The following F5 variants were observed in gnomAD, a reference collection of about 807,000 sequenced individuals.
F5 encodes the protein coagulation factor V, also known as activated protein c cofactor.
Under a neutral mutation model 216.4 loss-of-function variants are expected in F5, and 138 were observed. The observed-to-expected ratio is 0.64, with a 90% CI of 0.56 to 0.73. The LOEUF (loss-of-function observed/expected upper bound fraction) is 0.73. Ranked by LOEUF, F5 falls within the 30% of genes least tolerant of loss-of-function variation. The probability of loss-of-function intolerance (pLI) is 0.00; values close to 1 mark genes in which losing one functional copy is unlikely to be tolerated. For missense variants in F5, 2,403 were observed against 2,674.0 expected, an observed-to-expected ratio of 0.90 and a Z score of 2.24; for synonymous variants, 916 against 930.7, an observed-to-expected ratio of 0.98 and a Z score of 0.29.
In F5 at chr1:169,531,031, A is replaced by C; in HGVS notation, c.4972-9T>G. 1 of 1,596,382 alleles carries C rather than the reference A, an allele frequency of 6.3e-7. No homozygotes were observed. Among genetic ancestry groups the C allele is most frequent in the Non-Finnish European group, 8.6e-7 (1 of 1,166,838 alleles). On this transcript the variant is annotated splice_polypyrimidine_tract_variant and intron_variant, in intron 14 of 24. Transcript: ENST00000367797. ...AAATTTTTAAAACGAACCTAGGAAAAGGAATGATCCACAAATGTACTTAAG... is the reference window on the plus strand; with the variant it reads ...AAATTTTTAAAACGAACCTAGGAAACGGAATGATCCACAAATGTACTTAAG...
intron 2 of F5, among the ~76,000 whole-genome samples, chr1:169,577,214 C>T (rs1660872507): frequency 6.6e-6 from 1 of 152,000 alleles, no homozygotes; most frequent in Admixed American, 6.5e-5. Flanking sequence ...GAAAGGACTG[C>T]AGAAGGTCAA....
At position 169,541,124 on chromosome 1, in the gene F5, A is replaced by T. The variant is rs927480334; in HGVS notation, c.3966T>A (p.Ser1322=). The T allele has an allele frequency of 1.3e-6, 2 of 1,556,174 alleles. No homozygotes were observed. Among genetic ancestry groups the T allele is most frequent in the African/African-American group, 1.4e-5 (1 of 73,090 alleles). The change falls in exon 13 of 25, where the codon TCT becomes TCA. Residue 1322 remains serine, a synonymous_variant. Coordinates refer to ENST00000367797, the MANE Select transcript of F5 (RefSeq NM_000130.5). The part of the protein sequence containing the change: ...LSPALGQMPI[S]PDLSHTTLSL... ...AAAGGGTTGTATGGCTGAGGTCTGG[A>T]GAAATGGGCATCTGACCGAGGGCTG...
chr1:169,516,051 C>T (rs1255643789), intron 23 of F5, among the ~76,000 whole-genome samples: 1 of 152,102 alleles, frequency 6.6e-6, no homozygotes, highest in Non-Finnish European at 1.5e-5. Flanking sequence ...TCTTTAAATA[C>T]TCTGGTAATA....
At position 169,586,465 on chromosome 1, in the gene F5, G is replaced by A; in HGVS notation, c.-79C>T. 2 of 1,542,938 alleles carry A rather than the reference G, an allele frequency of 1.3e-6. No individual in the cohort carries two copies. Among genetic ancestry groups the A allele is most frequent in the South Asian group, 2.3e-5 (2 of 85,544 alleles). On this transcript the variant is annotated 5_prime_UTR_variant, in exon 1 of 25. Coordinates refer to ENST00000367797, the MANE Select transcript of F5 (RefSeq NM_000130.5). ...TGCCGAGCTGCTAACCACACTCCGG[G>A]CTGTCCCAGCTGCAATGAGCTCTAG... is the stretch of plus-strand genomic sequence containing the variant.
chr1:169,557,071 G>T (rs1571587812), intron 5 of F5, among the ~76,000 whole-genome samples: 1 of 152,182 alleles, frequency 6.6e-6, no homozygotes, highest in East Asian at 1.9e-4. Context: ...ACAACTCATT[G>T]TGATAAATGG....
chr1:169,557,117 G>T (rs1314720842), intron 5 of F5, among the ~76,000 whole-genome samples: 7 of 152,210 alleles, frequency 4.6e-5, no homozygotes, highest in Admixed American at 1.3e-4. Flanking sequence ...AGAGATGGTG[G>T]ATGTGAACTC....
chr1:169,519,162 C>G (rs1031326387), intron 22 of F5, among the ~76,000 whole-genome samples: 1 of 152,018 alleles, frequency 6.6e-6, no homozygotes, highest in African/African-American at 2.4e-5. Context: ...CCTGGCTGAC[C>G]ACCCATCATC....
Position 169,542,558 on chromosome 1 carries a change from G to A in F5, c.2532C>T (p.Val844=). 1 of 1,614,048 alleles carries A rather than the reference G, an allele frequency of 6.2e-7. No individual in the cohort carries two copies. The highest frequency in any genetic ancestry group is 8.5e-7 in the Non-Finnish European group (1 of 1,179,956). ...DPIEDPLQPD[V]TGIRLLSLGA... ...CAAGTGAAAGTAGACGTATCCCTGT[G>A]ACATCTGGCTGTAGAGGATCCTCTA... Residue 844 remains valine (V), a synonymous_variant, in exon 13 of 25, where the codon GTC becomes GTT. Transcript: ENST00000367797.
chr1:169,540,423 G>T lies in F5; in HGVS notation c.4667C>A (p.Thr1556Lys). 1 of 1,614,018 alleles carries T rather than the reference G, an allele frequency of 6.2e-7. No homozygotes were observed. Among genetic ancestry groups the T allele is most frequent in the Non-Finnish European group, 8.5e-7 (1 of 1,179,952 alleles). Residue 1556 changes from threonine to lysine, a missense_variant, in exon 13 of 25, where the codon ACA becomes AAA. This residue lies in a region of F5 where 293 missense variants were observed against 270.8 expected (regional missense o/e 1.08). Transcript: ENST00000367797. The part of the protein sequence containing the change: ...YDDPYKTDVR[T>K]NINSSRDPDN... ...AGGATCTCTGGAGGAGTTGATGTTT[G>T]TCCTAACATCAGTTTTGTAGGGGTC...
At chr1:169,576,719 T>C (rs1660858855) in intron 2 of F5, among the ~76,000 whole-genome samples, 1 of 152,156 alleles carries the variant, frequency 6.6e-6, no homozygotes, top group African/African-American at 2.4e-5. Flanking sequence ...GATGGAAGTT[T>C]CCACTGACTA....
chr1:169,574,576 G>A (rs961013452), intron 2 of F5, among the ~76,000 whole-genome samples: 2 of 152,212 alleles, frequency 1.3e-5, no homozygotes, highest in African/African-American at 4.8e-5. Flanking sequence ...GTTTGCAGTG[G>A]TGATGATAAT....
In F5 at chr1:169,559,107, A is replaced by C. The variant is rs372399719; in HGVS notation, c.730+46T>G. 59 of 1,611,190 alleles carry C rather than the reference A, an allele frequency of 3.7e-5. 2 individuals carry two copies. In the African/African-American group the frequency reaches 4.7e-4, roughly 13 times the overall value. On this transcript the variant is annotated intron_variant, in intron 5 of 24. Transcript: ENST00000367797. ...TTGAAGAAAACAGGACCGAAAAATTACTAATGATTTTACTGTTGTTTAATG... is the reference window on the plus strand; with the variant it reads ...TTGAAGAAAACAGGACCGAAAAATTCCTAATGATTTTACTGTTGTTTAATG...
intron 13 of F5, among the ~76,000 whole-genome samples, chr1:169,537,492 T>C (rs962854216): frequency 1.3e-5 from 2 of 152,070 alleles, no homozygotes; most frequent in Non-Finnish European, 2.9e-5. Context: ...ACAAATGGGA[T>C]TGCCATCAAA....
intron 13 of F5, among the ~76,000 whole-genome samples, chr1:169,539,501 A>T (rs3766109): frequency 0.25 from 37,422 of 151,866 alleles, 4,774 homozygotes; most frequent in Admixed American, 0.34. Flanking sequence ...GCAACATTTA[A>T]ATAGGAAGTC....
intron 14 of F5, among the ~76,000 whole-genome samples, chr1:169,531,888 C>T (rs1659602685): frequency 1.3e-5 from 2 of 152,020 alleles, no homozygotes; most frequent in African/African-American, 4.8e-5. Context: ...CTGGCAAAGA[C>T]ACAATGAATA....
intron 13 of F5, among the ~76,000 whole-genome samples, chr1:169,539,772 C>T (rs537721843): frequency 3.9e-4 from 59 of 152,294 alleles, no homozygotes; most frequent in Middle Eastern, 3.4e-3. Context: ...CTTTCTGTAT[C>T]TTCATCCCAG....
rs41398055 is a variant in F5 at position 169,584,550 on chromosome 1, C to T, written c.158+1679G>A. Among the ~76,000 whole-genome samples the T allele has an allele frequency of 8.1e-3, 1,228 of 152,252 alleles. 19 individuals carry two copies. Among genetic ancestry groups the T allele is most frequent in the African/African-American group, 0.028 (1,160 of 41,538 alleles). ...ACATTTTACCTTTAAAAGGCATTGT[C>T]CTGCTAATATTATATGAAATAAGTA... On this transcript the variant is annotated intron_variant, in intron 1 of 24. Transcript: ENST00000367797.
intron 23 of F5, among the ~76,000 whole-genome samples, chr1:169,517,750 A>G (rs568964210): frequency 6.6e-6 from 1 of 152,282 alleles, no homozygotes; most frequent in Admixed American, 6.5e-5. Context: ...CTGGTTTTGC[A>G]ACATTTTACT....
Position 169,552,608 on chromosome 1 carries a change from T to G in F5, c.1245A>C (p.Glu415Asp). The G allele has an allele frequency of 6.2e-7, 1 of 1,613,702 alleles. No individual in the cohort carries two copies. The highest frequency in any genetic ancestry group is 8.5e-7 in the Non-Finnish European group (1 of 1,179,698). The change falls in exon 8 of 25, where the codon GAA becomes GAC. Residue 415 changes from glutamate (E) to aspartate (D), a missense_variant. Physicochemically the swap from Glu to Asp is conservative, Grantham distance 45. Transcript: ENST00000367797. ...TKHTVNPNMKEDGILGPIIRA... is the reference protein window; with the variant it reads ...TKHTVNPNMKDDGILGPIIRA... ...TGATAATAGGACCCAAAATCCCATC[T>G]TCTTTCATATTGGGATTCACTGTAT... is the stretch of plus-strand genomic sequence containing the variant.
Sources: allele counts gnomAD v4.1 joint callset (sites outside exome capture counted in the v4.1 genomes callset), GRCh38; gene constraint gnomAD v4.1.1; regional missense constraint gnomAD v4.1.1; transcripts MANE v1.5; gene names NCBI Gene and HGNC (gene_info 2026-07-23, HGNC 2026-07-21).